Variants in GPR15 observed in about 807,000 individuals in gnomAD.
GPR15 encodes G protein-coupled receptor 15.
A neutral mutation model predicts 19.3 loss-of-function variants in GPR15; 16 were observed. The observed-to-expected ratio is 0.83, with a 90% CI of 0.56 to 1.26. The LOEUF is 1.26. Ranked by LOEUF, GPR15 falls within the 50% of genes most tolerant of loss-of-function variation. The probability of loss-of-function intolerance (pLI) is 0.00; values close to 1 mark genes in which losing one functional copy is unlikely to be tolerated. For synonymous variants in GPR15, 170 were observed against 171.2 expected (o/e 0.99, Z 0.05); for missense variants, 458 against 429.4 (o/e 1.07, Z -0.59).
chr3:98,534,279 T>C lies in GPR15; in HGVS notation c.*1163T>C, dbSNP rs139858759. On this transcript the variant is annotated 3_prime_UTR_variant, in exon 1 of 1. Coordinates refer to ENST00000284311, the MANE Select transcript of GPR15 (RefSeq NM_005290.4). Reference sequence around the variant, plus strand: ...AATTCCTTTACCCAATAAATATTTATTGAGTCAATTTGTACCTATATTCCT... The same window carrying C: ...AATTCCTTTACCCAATAAATATTTACTGAGTCAATTTGTACCTATATTCCT... Among the ~76,000 whole-genome samples, 1,585 of 152,278 alleles carry C rather than the reference T, an allele frequency of 0.01. 24 individuals carry two copies. Among genetic ancestry groups the C allele is most frequent in the African/African-American group, 0.036 (1,507 of 41,560 alleles).
chr3:98,532,550 G>A lies in GPR15; in HGVS notation c.517G>A (p.Glu173Lys), dbSNP rs1201835927. Residue 173 changes from glutamate (E) to lysine (K), a missense_variant, in exon 1 of 1, where the codon GAG becomes AAG. Glu to Lys is a moderately conservative substitution (Grantham distance 56, BLOSUM62 1). Coordinates refer to ENST00000284311, the MANE Select transcript of GPR15 (RefSeq NM_005290.4). ...LLGLPTLLSR[E>K]LTLIDDKPYC... Reference sequence around the variant, plus strand: ...GGGGTTGCCTACTCTTCTGTCCAGGGAGCTCACGCTGATTGATGATAAGCC... The same window carrying A: ...GGGGTTGCCTACTCTTCTGTCCAGGAAGCTCACGCTGATTGATGATAAGCC... 7 of 1,614,154 alleles carry A rather than the reference G, an allele frequency of 4.3e-6. No homozygotes were observed. Among genetic ancestry groups the A allele is most frequent in the Admixed American group, 1.7e-5 (1 of 60,022 alleles).
rs1310523364 is a variant in GPR15, at chr3:98,534,628, CTT to C, written c.*1513_*1514del. On this transcript the variant is annotated 3_prime_UTR_variant, in exon 1 of 1. Transcript: ENST00000284311. ...GTTTTTGGTTTTATAAATTGGCTAA[CTT>C]GTTAATTTTTCTTAAACTGTTATTA... 1.3e-5 allele frequency among the ~76,000 whole-genome samples: 2 copies of C among 152,052 alleles called. No individual in the cohort carries two copies. Among genetic ancestry groups the C allele is most frequent in the East Asian group, 3.8e-4 (2 of 5,202 alleles).
Position 98,532,268 on chromosome 3 carries a change from G to A in GPR15, c.235G>A (p.Asp79Asn). The A allele has an allele frequency of 6.2e-7, 1 of 1,614,146 alleles. No individual in the cohort carries two copies. Among genetic ancestry groups the A allele is most frequent in the Non-Finnish European group, 8.5e-7 (1 of 1,180,026 alleles). Residue 79 changes from aspartate to asparagine, a missense_variant, in exon 1 of 1, where the codon GAC becomes AAC. Coordinates refer to ENST00000284311, the MANE Select transcript of GPR15 (RefSeq NM_005290.4). ...DIFIINLAASDFIFLVTLPLW... is the reference protein window; with the variant it reads ...DIFIINLAASNFIFLVTLPLW... ...CTTTATCATCAATCTGGCTGCCTCT[G>A]ACTTCATTTTTCTTGTCACATTGCC...
rs1220215438 is a variant in GPR15 at position 98,532,388 on chromosome 3, T to A, written c.355T>A (p.Cys119Ser). 2 of 1,614,094 alleles carry A rather than the reference T, an allele frequency of 1.2e-6. No homozygotes were observed. The highest frequency in any genetic ancestry group is 1.7e-6 in the Non-Finnish European group (2 of 1,180,050). Residue 119 changes from cysteine (C) to serine (S), a missense_variant, in exon 1 of 1, where the codon TGC becomes AGC. Physicochemically the swap from Cys to Ser is moderately radical, Grantham distance 112. Coordinates refer to ENST00000284311, the MANE Select transcript of GPR15 (RefSeq NM_005290.4). ...SSYMISVNMH[C>S]SVLLLTCMSV... ...CTACATGATCTCCGTCAATATGCAC[T>A]GCAGTGTCCTCCTGCTCACTTGCAT...
At position 98,531,999 on chromosome 3, in the gene GPR15, G is replaced by A. The variant is rs1222678000; in HGVS notation, c.-35G>A. On this transcript the variant is annotated 5_prime_UTR_variant, in exon 1 of 1. Coordinates refer to ENST00000284311, the MANE Select transcript of GPR15 (RefSeq NM_005290.4). ...ATTTATACAAAAACATCATATGTAA[G>A]TAAACTCACCAGATTTGGCATCTGC... 2.6e-6 allele frequency: 4 copies of A among 1,562,470 alleles called. No individual in the cohort carries two copies. The highest frequency in any genetic ancestry group is 3.5e-6 in the Non-Finnish European group (4 of 1,155,152).
Position 98,532,335 on chromosome 3 carries a change from C to A in GPR15, c.302C>A (p.Thr101Lys). Reference sequence around the variant, plus strand: ...GAAGCATCTCTAGGACTGTGGAGGACGGGCTCCTTCCTGTGCAAAGGGAGC... The same window carrying A: ...GAAGCATCTCTAGGACTGTGGAGGAAGGGCTCCTTCCTGTGCAAAGGGAGC... The part of the protein sequence containing the change: ...DKEASLGLWR[T>K]GSFLCKGSSY... The change falls in exon 1 of 1, where the codon ACG becomes AAG. Residue 101 changes from threonine to lysine, a missense_variant. Transcript: ENST00000284311. The A allele has an allele frequency of 6.2e-7, 1 of 1,614,128 alleles. No homozygotes were observed. The highest frequency in any genetic ancestry group is 8.5e-7 in the Non-Finnish European group (1 of 1,179,990).
rs772661585 is a variant in GPR15 at position 98,532,470 on chromosome 3, G to A, written c.437G>A (p.Arg146Lys). 17 of 1,614,000 alleles carry A rather than the reference G, an allele frequency of 1.1e-5. No homozygotes were observed. Among genetic ancestry groups the A allele is most frequent in the East Asian group, 8.9e-5 (4 of 44,894 alleles). The change falls in exon 1 of 1, where the codon AGG becomes AAG. Residue 146 changes from arginine to lysine, a missense_variant. By Grantham distance (26) the Arg-to-Lys change is conservative. Coordinates refer to ENST00000284311, the MANE Select transcript of GPR15 (RefSeq NM_005290.4). The stretch of plus-strand genomic sequence containing the variant: ...CCAGTCGTATCCAGGAAATTCAGAA[G>A]GACAGACTGTGCATATGTAGTCTGT... The part of the protein sequence containing the change: ...VWPVVSRKFR[R>K]TDCAYVVCAS...
In GPR15 at chr3:98,532,053, C is replaced by G. The variant is rs768518295; in HGVS notation, c.20C>G (p.Ser7Ter). 3.1e-6 allele frequency: 5 copies of G among 1,607,702 alleles called. No homozygotes were observed. In the South Asian group the frequency reaches 5.5e-5, roughly 18 times the overall value. MDPEET[S>*]VYLDYYYATS... Reference sequence around the variant, plus strand: ...TTGGTGATGGACCCAGAAGAAACTTCAGTTTATTTGGATTATTACTATGCT... The same window carrying G: ...TTGGTGATGGACCCAGAAGAAACTTGAGTTTATTTGGATTATTACTATGCT... The change falls in exon 1 of 1, where the codon TCA becomes TGA. Residue 7 changes from serine to a stop codon, truncating the protein, a stop_gained. Transcript: ENST00000284311. LOFTEE classifies it high-confidence loss of function.
In GPR15 at chr3:98,532,705, C is replaced by G; in HGVS notation, c.672C>G (p.Ala224=). The G allele has an allele frequency of 1.2e-6, 2 of 1,614,038 alleles. No individual in the cohort carries two copies. Among genetic ancestry groups the G allele is most frequent in the Non-Finnish European group, 1.7e-6 (2 of 1,179,990 alleles). The change falls in exon 1 of 1, where the codon GCC becomes GCG. Residue 224 remains alanine, a synonymous_variant. Coordinates refer to ENST00000284311, the MANE Select transcript of GPR15 (RefSeq NM_005290.4). ...CYCCIARKLC[A]HYQQSGKHNK... is the part of the protein sequence containing the mutation. The stretch of plus-strand genomic sequence containing the variant: ...GTTGCATTGCAAGGAAGCTGTGTGC[C>G]CATTACCAGCAATCAGGAAAGCACA...
rs758745074 is a variant in GPR15 at position 98,533,006 on chromosome 3, G to A, written c.973G>A (p.Asp325Asn). 1.2e-6 allele frequency: 2 copies of A among 1,613,992 alleles called. No homozygotes were observed. The highest frequency in any genetic ancestry group is 3.3e-5 in the Admixed American group (2 of 59,996). Reference protein sequence around the residue: ...HCLCPCLKNYDFGSSTETSDS... With the variant: ...HCLCPCLKNYNFGSSTETSDS... ...CTTGTGCCCTTGCCTGAAAAACTATGACTTTGGGAGTAGCACTGAGACATC... is the reference window on the plus strand; with the variant it reads ...CTTGTGCCCTTGCCTGAAAAACTATAACTTTGGGAGTAGCACTGAGACATC... Residue 325 changes from aspartate to asparagine, a missense_variant, in exon 1 of 1, where the codon GAC (aspartate) becomes AAC (asparagine). Coordinates refer to ENST00000284311, the MANE Select transcript of GPR15 (RefSeq NM_005290.4).
chr3:98,532,949 G>A lies in GPR15; in HGVS notation c.916G>A (p.Asp306Asn), dbSNP rs199888926. The change falls in exon 1 of 1, where the codon GAC (aspartate) becomes AAC (asparagine). Residue 306 changes from aspartate (D) to asparagine (N), a missense_variant. Coordinates refer to ENST00000284311, the MANE Select transcript of GPR15 (RefSeq NM_005290.4). The part of the protein sequence containing the change: ...CVNPFIYYIF[D>N]SYIRRAIVHC... ...CAACCCTTTCATTTACTATATCTTC[G>A]ACAGCTACATCCGCCGGGCCATTGT... The A allele has an allele frequency of 5.3e-5, 86 of 1,613,790 alleles. 1 individual carries two copies. In the Middle Eastern group the frequency reaches 8.3e-4, roughly 15 times the overall value.
chr3:98,533,146 G>T lies in GPR15; in HGVS notation c.*30G>T, dbSNP rs1706667247. 6.4e-7 allele frequency: 1 copy of T among 1,569,052 alleles called. No individual in the cohort carries two copies. The highest frequency in any genetic ancestry group is 8.6e-7 in the Non-Finnish European group (1 of 1,163,308). ...AACTGTGACATTTCAAGCTCTGTTG[G>T]TGGGTTTAGGAGTTAATTTTTGTCA... On this transcript the variant is annotated 3_prime_UTR_variant, in exon 1 of 1. Transcript: ENST00000284311.
rs1322245104 is a variant in GPR15, at chr3:98,533,946, T to C, written c.*830T>C. On this transcript the variant is annotated 3_prime_UTR_variant, in exon 1 of 1. Coordinates refer to ENST00000284311, the MANE Select transcript of GPR15 (RefSeq NM_005290.4). ...TTGGCTTTATAAATTAGGATTTGACTTTGCTTTAATTACATGTTTTTAATT... is the reference window on the plus strand; with the variant it reads ...TTGGCTTTATAAATTAGGATTTGACCTTGCTTTAATTACATGTTTTTAATT... 6.6e-6 allele frequency among the ~76,000 whole-genome samples: 1 copy of C among 152,244 alleles called. No individual in the cohort carries two copies. Among genetic ancestry groups the C allele is most frequent in the East Asian group, 1.9e-4 (1 of 5,206 alleles).
rs1465773757 is a variant in GPR15 at position 98,532,556 on chromosome 3, A to C, written c.523A>C (p.Thr175Pro). Residue 175 changes from threonine (T) to proline (P), a missense_variant, in exon 1 of 1, where the codon ACG (threonine) becomes CCG (proline). Thr to Pro is a conservative substitution (Grantham distance 38). Coordinates refer to ENST00000284311, the MANE Select transcript of GPR15 (RefSeq NM_005290.4). ...GCCTACTCTTCTGTCCAGGGAGCTC[A>C]CGCTGATTGATGATAAGCCATACTG... The part of the protein sequence containing the change: ...GLPTLLSREL[T>P]LIDDKPYCAE... 1 of 1,614,058 alleles carries C rather than the reference A, an allele frequency of 6.2e-7. No homozygotes were observed. The highest frequency in any genetic ancestry group is 8.5e-7 in the Non-Finnish European group (1 of 1,180,024).
rs374897906 is a variant in GPR15 at position 98,533,108 on chromosome 3, T to A, written c.1075T>A (p.Ser359Thr). Residue 359 changes from serine to threonine, a missense_variant, in exon 1 of 1, where the codon TCA becomes ACA. By Grantham distance (58) the Ser-to-Thr change is moderately conservative. Coordinates refer to ENST00000284311, the MANE Select transcript of GPR15 (RefSeq NM_005290.4). ...TGCCAGGAGGAGGAAGAGGTCTGTG[T>A]CACTCTAAAGGGAACTGTGACATTT... ...DFARRRKRSVSL is the reference protein window; with the variant it reads ...DFARRRKRSVTL 6.2e-7 allele frequency: 1 copy of A among 1,605,254 alleles called. No individual in the cohort carries two copies. Among genetic ancestry groups the A allele is most frequent in the Non-Finnish European group, 8.5e-7 (1 of 1,178,274 alleles).
At position 98,532,628 on chromosome 3, in the gene GPR15, G is replaced by A. The variant is rs1706655694; in HGVS notation, c.595G>A (p.Ala199Thr). Reference sequence around the variant, plus strand: ...AATTAAACTCATATGGTCCCTGGTGGCCTTAATTTTCACCTTTTTTGTCCC... The same window carrying A: ...AATTAAACTCATATGGTCCCTGGTGACCTTAATTTTCACCTTTTTTGTCCC... ...TPIKLIWSLV[A>T]LIFTFFVPLL... The change falls in exon 1 of 1, where the codon GCC (alanine) becomes ACC (threonine). Residue 199 changes from alanine to threonine, a missense_variant. Ala to Thr is a moderately conservative substitution (Grantham distance 58, BLOSUM62 0). Transcript: ENST00000284311. The A allele has an allele frequency of 5.0e-6, 8 of 1,614,200 alleles. No homozygotes were observed. Among genetic ancestry groups the A allele is most frequent in the East Asian group, 2.2e-5 (1 of 44,884 alleles).
Position 98,533,181 on chromosome 3 carries a change from A to G in GPR15, c.*65A>G. On this transcript the variant is annotated 3_prime_UTR_variant, in exon 1 of 1. Coordinates refer to ENST00000284311, the MANE Select transcript of GPR15 (RefSeq NM_005290.4). ...GAGTTAATTTTTGTCAGCAACAAAGAAGGAAGTGTTAATGATAGGATTCAC... is the reference window on the plus strand; with the variant it reads ...GAGTTAATTTTTGTCAGCAACAAAGGAGGAAGTGTTAATGATAGGATTCAC... 6.7e-7 allele frequency: 1 copy of G among 1,486,708 alleles called. No individual in the cohort carries two copies. Among genetic ancestry groups the G allele is most frequent in the Non-Finnish European group, 9.0e-7 (1 of 1,115,244 alleles). The allele number at this position is 1,486,708 out of a possible 1,614,324, so 92.1% of individuals were successfully genotyped here. A position where few individuals can be genotyped will look rare whatever the true frequency, so the allele number is the denominator to read the frequency against.
Position 98,532,944 on chromosome 3 carries a change from T to C in GPR15, c.911T>C (p.Ile304Thr), listed in dbSNP as rs1260649104. 6.2e-7 allele frequency: 1 copy of C among 1,614,136 alleles called. No homozygotes were observed. Among genetic ancestry groups the C allele is most frequent in the Non-Finnish European group, 8.5e-7 (1 of 1,180,040 alleles). The change falls in exon 1 of 1, where the codon ATC becomes ACC. Residue 304 changes from isoleucine to threonine, a missense_variant. Transcript: ENST00000284311. ...NSCVNPFIYY[I>T]FDSYIRRAIV... ...TGTGTCAACCCTTTCATTTACTATA[T>C]CTTCGACAGCTACATCCGCCGGGCC...
rs774346956 is a variant in GPR15, at chr3:98,532,766, A to T, written c.733A>T (p.Ile245Phe). The stretch of plus-strand genomic sequence containing the variant: ...GAAGAAATCTATAAAGATCATCTTT[A>T]TTGTCGTGGCAGCCTTTCTTGTCTC... ...KLKKSIKIIF[I>F]VVAAFLVSWL... is the part of the protein sequence containing the mutation. The change falls in exon 1 of 1, where the codon ATT (isoleucine) becomes TTT (phenylalanine). Residue 245 changes from isoleucine (I) to phenylalanine (F), a missense_variant. Coordinates refer to ENST00000284311, the MANE Select transcript of GPR15 (RefSeq NM_005290.4). The T allele has an allele frequency of 6.2e-7, 1 of 1,613,996 alleles. No homozygotes were observed. The highest frequency in any genetic ancestry group is 8.5e-7 in the Non-Finnish European group (1 of 1,179,918).
Sources: gnomAD v4.1 joint callset for allele counts (sites outside exome capture counted in the v4.1 genomes callset) on GRCh38, gnomAD v4.1.1 for gene constraint, MANE v1.5 for transcripts, NCBI Gene and HGNC (gene_info 2026-07-23, HGNC 2026-07-21) for gene names.